DLGAP5: variants seen among roughly 807,000 people sequenced by gnomAD.
The protein encoded by DLGAP5 is DLG associated protein 5.
DLGAP5 carries 90 observed loss-of-function variants against 99.6 expected under a neutral mutation model. That is an observed-to-expected ratio of 0.90 (90% CI 0.76 to 1.08). DLGAP5 has a LOEUF of 1.08. DLGAP5 is among the 50% of genes least tolerant of loss of function. The probability of loss-of-function intolerance (pLI) is 0.00; values close to 1 mark genes in which losing one functional copy is unlikely to be tolerated. For synonymous variants in DLGAP5, 311 were observed against 321.3 expected (o/e 0.97, Z 0.34); for missense variants, 1,036 against 983.5 (o/e 1.05, Z -0.71).
intron 18 of DLGAP5, chr14:55,150,581 C>A: frequency 3.2e-6 from 1 of 312,512 alleles, no homozygotes; most frequent in Non-Finnish European, 5.9e-6. Context: ...ATAGAAAAAC[C>A]ATATAGAAAA....
intron 7 of DLGAP5, 119 bp downstream of exon 7, chr14:55,179,510 G>T: frequency 1.4e-6 from 1 of 721,658 alleles, no homozygotes; most frequent in Non-Finnish European, 2.2e-6. Flanking sequence ...GGTTCAGGAA[G>T]TTTTAACACA....
Position 55,175,466 on chromosome 14 carries a change from A to C in DLGAP5, c.1181T>G (p.Val394Gly), listed in dbSNP as rs776250352. The change falls in exon 10 of 19, where the codon GTT becomes GGT. Residue 394 changes from valine (V) to glycine (G), a missense_variant. Physicochemically the swap from Val to Gly is moderately radical, Grantham distance 109. Transcript: ENST00000247191. Reference sequence around the variant, plus strand: ...AGTAGTAGCTTCATTTTTATTTAAAACATGTTCTATAAATTAAAGAAAATC... The same window carrying C: ...AGTAGTAGCTTCATTTTTATTTAAACCATGTTCTATAAATTAAAGAAAATC... ...GPLTVWHEEHVLNKNEATTKN... is the reference protein window; with the variant it reads ...GPLTVWHEEHGLNKNEATTKN... 14 of 1,290,174 alleles carry C rather than the reference A, an allele frequency of 1.1e-5. 1 individual carries two copies. The Admixed American group carries it at 2.6e-4, about 24-fold the overall frequency. The allele number at this position is 1,290,174 out of a possible 1,614,324, so 79.9% of individuals were successfully genotyped here.
intron 8 of DLGAP5, among the ~76,000 whole-genome samples, chr14:55,176,758 C>G (rs1390815379): frequency 1.3e-5 from 2 of 151,744 alleles, no homozygotes; most frequent in African/African-American, 4.8e-5. Flanking sequence ...GCGGGCGGAT[C>G]ACGAGGTCAG....
chr14:55,178,179 G>A (rs555483828), intron 7 of DLGAP5, among the ~76,000 whole-genome samples: 3 of 152,090 alleles, frequency 2.0e-5, no homozygotes, highest in South Asian at 4.2e-4. Flanking sequence ...GAGAAACCGG[G>A]AGGTGGAGCT....
In DLGAP5 at chr14:55,180,831, T is replaced by C. The variant is rs1883247823; in HGVS notation, c.581-53A>G. On this transcript the variant is annotated intron_variant, in intron 5 of 18. Coordinates refer to ENST00000247191, the MANE Select transcript of DLGAP5 (RefSeq NM_014750.5). ...AATGTCCCTTGTAGTTATGAAATTA[T>C]TGCTGTGAAGCCAGGCATGGTAGTG... The C allele has an allele frequency of 3.1e-6, 5 of 1,595,966 alleles. No homozygotes were observed. In the African/African-American group the frequency reaches 4.6e-5, roughly 15 times the overall value.
intron 10 of DLGAP5, among the ~76,000 whole-genome samples, chr14:55,171,894 G>C (rs535616213): frequency 3.9e-5 from 6 of 152,222 alleles, no homozygotes; most frequent in African/African-American, 1.4e-4. Flanking sequence ...ACTTAAATAA[G>C]ATACTTAGCA....
intron 2 of DLGAP5, among the ~76,000 whole-genome samples, chr14:55,187,271 T>A (rs1389600837): frequency 6.6e-6 from 1 of 151,480 alleles, no homozygotes; most frequent in African/African-American, 2.4e-5. Flanking sequence ...CCTGATGTCA[T>A]ACATACCACC....
intron 2 of DLGAP5, 113 bp from the exon 3 acceptor site, chr14:55,183,866 T>C (rs1883350681): frequency 8.5e-7 from 1 of 1,173,918 alleles, no homozygotes; most frequent in African/African-American, 1.6e-5. Context: ...TAAAAAATGC[T>C]TTCAGGCCAG....
chr14:55,156,609 G>GA (rs1882224999), intron 14 of DLGAP5, among the ~76,000 whole-genome samples: 1 of 152,138 alleles, frequency 6.6e-6, no homozygotes, highest in South Asian at 2.1e-4. Flanking sequence ...CCCATGTGCA[G>GA]AGAGTTTCCA....
chr14:55,180,520 T>C lies in DLGAP5; in HGVS notation c.703+136A>G, dbSNP rs147279098. 6.3e-4 allele frequency: 780 copies of C among 1,233,534 alleles called. 6 individuals are homozygous for C. In the East Asian group the frequency reaches 0.013, roughly 20 times the overall value. The allele number at this position is 1,233,534 out of a possible 1,614,324, so 76.4% of individuals were successfully genotyped here. A position where few individuals can be genotyped will look rare whatever the true frequency, so the allele number is the denominator to read the frequency against. Reference sequence around the variant, plus strand: ...GCTAACCAGATGTCAGGGCACAGAATCTATTTTCAGGTATTAGAATTTCCT... The same window carrying C: ...GCTAACCAGATGTCAGGGCACAGAACCTATTTTCAGGTATTAGAATTTCCT... On this transcript the variant is annotated intron_variant, in intron 6 of 18. Transcript: ENST00000247191.
chr14:55,167,021 G>A (rs997280780), intron 12 of DLGAP5, among the ~76,000 whole-genome samples: 10 of 151,876 alleles, frequency 6.6e-5, no homozygotes, highest in African/African-American at 2.4e-4. Flanking sequence ...TTTGGGGGCC[G>A]AGGCAGGCAG....
At chr14:55,156,759 T>C (rs995904861) in intron 14 of DLGAP5, among the ~76,000 whole-genome samples, 2 of 152,074 alleles carry the variant, frequency 1.3e-5, no homozygotes, top group Non-Finnish European at 2.9e-5. Context: ...CTGTCTATAG[T>C]GGATGAAGAA....
intron 5 of DLGAP5, 146 bp from the exon 6 acceptor site, chr14:55,180,924 C>CT: frequency 9.9e-7 from 1 of 1,008,742 alleles, no homozygotes; most frequent in South Asian, 1.6e-5. Flanking sequence ...CGAAACCAGC[C>CT]TAGGCAACAT....
At chr14:55,179,423 G>A (rs1883202106) in intron 7 of DLGAP5, among the ~76,000 whole-genome samples, 1 of 152,118 alleles carries the variant, frequency 6.6e-6, no homozygotes, top group South Asian at 2.1e-4. Context: ...ACAAAATTAT[G>A]CTTTCTCTAC....
chr14:55,181,111 T>A, intron 5 of DLGAP5, 102 bp downstream of exon 5: 1 of 1,156,326 alleles, frequency 8.6e-7, no homozygotes, highest in Non-Finnish European at 1.2e-6. Context: ...CAAGACTCTG[T>A]CACAAACAAA....
At chr14:55,165,305 A>G (rs780853256) in intron 12 of DLGAP5, among the ~76,000 whole-genome samples, 1 of 152,148 alleles carries the variant, frequency 6.6e-6, no homozygotes, top group Non-Finnish European at 1.5e-5. Flanking sequence ...GGATCGCTTG[A>G]GCTCAGGAGT....
chr14:55,178,940 G>A (rs936263546), intron 7 of DLGAP5, among the ~76,000 whole-genome samples: 1 of 152,026 alleles, frequency 6.6e-6, no homozygotes, highest in East Asian at 1.9e-4. Context: ...CCAACTACTC[G>A]GGAGGCTGAG....
In DLGAP5 at chr14:55,160,395, A is replaced by T. The variant is rs561299465; in HGVS notation, c.1654-1654T>A. ...GGGCAACACAGCAAGACTCTATATAAAAAAAAAAAAAAAGTAGACCATATT... is the reference window on the plus strand; with the variant it reads ...GGGCAACACAGCAAGACTCTATATATAAAAAAAAAAAAAGTAGACCATATT... On this transcript the variant is annotated intron_variant, in intron 13 of 18. Coordinates refer to ENST00000247191, the MANE Select transcript of DLGAP5 (RefSeq NM_014750.5). 2.1e-3 allele frequency among the ~76,000 whole-genome samples: 298 copies of T among 143,790 alleles called. 1 individual carries two copies. The highest frequency in any genetic ancestry group is 5.9e-3 in the African/African-American group (234 of 39,666). The allele number at this position is 143,790 out of a possible 152,430, so 94.3% of individuals were successfully genotyped here. A position where few individuals can be genotyped will look rare whatever the true frequency, so the allele number is the denominator to read the frequency against.
intron 6 of DLGAP5, among the ~76,000 whole-genome samples, chr14:55,180,447 C>T (rs561162895): frequency 1.3e-5 from 2 of 152,266 alleles, no homozygotes; most frequent in African/African-American, 4.8e-5. Flanking sequence ...CACTTTGAAA[C>T]ACTGCTTATA....
Sources: gnomAD v4.1 joint callset for allele counts (sites outside exome capture counted in the v4.1 genomes callset) on GRCh38, gnomAD v4.1.1 for gene constraint, MANE v1.5 for transcripts, NCBI Gene and HGNC (gene_info 2026-07-23, HGNC 2026-07-21) for gene names.